ADGRL3: variants seen among roughly 807,000 people sequenced by gnomAD.
ADGRL3 encodes the protein calcium-independent alpha-latrotoxin receptor 3.
ADGRL3 carries 62 observed loss-of-function variants against 153.5 expected under a neutral mutation model. The observed-to-expected ratio is 0.40, with a 90% CI of 0.33 to 0.50. ADGRL3 has a LOEUF of 0.50. Among genes scored for constraint, ADGRL3 ranks in the 20% least tolerant of loss-of-function variants. The pLI is 0.47. For synonymous variants in ADGRL3, 710 were observed against 672.5 expected, an observed-to-expected ratio of 1.06 and a Z score of -0.86; for missense variants, 1,641 against 1,859.4, an observed-to-expected ratio of 0.88 and a Z score of 2.16.
intron 3 of ADGRL3, among the ~76,000 whole-genome samples, chr4:61,512,189 T>G (rs1434479363): frequency 6.6e-6 from 1 of 152,188 alleles, no homozygotes; most frequent in Non-Finnish European, 1.5e-5. Context: ...CATTTGCTAT[T>G]GTAACTTTTT....
At chr4:61,673,808 G>A (rs2095089038) in intron 5 of ADGRL3, among the ~76,000 whole-genome samples, 1 of 150,720 alleles carries the variant, frequency 6.6e-6, no homozygotes, top group African/African-American at 2.4e-5. Flanking sequence ...AATTTATAAT[G>A]AACTTTTGAT....
chr4:61,820,938 G>A (rs2097748231), intron 9 of ADGRL3, among the ~76,000 whole-genome samples: 1 of 152,134 alleles, frequency 6.6e-6, no homozygotes, highest in African/African-American at 2.4e-5. Context: ...CTCAATGAAG[G>A]TGGTTGGGTG....
intron 6 of ADGRL3, among the ~76,000 whole-genome samples, chr4:61,705,356 T>C (rs1422397977): frequency 6.6e-6 from 1 of 151,574 alleles, no homozygotes; most frequent in Non-Finnish European, 1.5e-5. Context: ...CTTCAATGAC[T>C]AGTGGGTGGA....
intron 9 of ADGRL3, among the ~76,000 whole-genome samples, chr4:61,819,083 A>T (rs2097721220): frequency 6.6e-6 from 1 of 152,224 alleles, no homozygotes; most frequent in East Asian, 1.9e-4. Context: ...TTAATTTATA[A>T]TTTAAAAATA....
At chr4:61,265,794 G>A (rs2092813295) in intron 1 of ADGRL3, among the ~76,000 whole-genome samples, 1 of 151,820 alleles carries the variant, frequency 6.6e-6, no homozygotes, top group Non-Finnish European at 1.5e-5. Flanking sequence ...AAGATAATGT[G>A]AAGAATTAGC....
chr4:61,228,493 C>G (rs142938414), intron 1 of ADGRL3, among the ~76,000 whole-genome samples: 2 of 151,966 alleles, frequency 1.3e-5, no homozygotes, highest in Admixed American at 6.6e-5. Context: ...TGTCATCAAT[C>G]GCAATAACCA....
intron 1 of ADGRL3, among the ~76,000 whole-genome samples, chr4:61,358,596 CAAAAAAAAAAAA>C (rs71211377): frequency 1.0e-5 from 1 of 96,862 alleles, no homozygotes; most frequent in East Asian, 3.4e-4. Flanking sequence ...GACTCCGTCT[CAAAAAAAAAAAA>C]AAAAAAAAAG....
rs1254039298 is a variant in ADGRL3 at position 62,070,553 on chromosome 4, A to G, written c.4277A>G (p.Gln1426Arg). 6.5e-7 allele frequency: 1 copy of G among 1,550,314 alleles called. No homozygotes were observed. The highest frequency in any genetic ancestry group is 1.4e-5 in the African/African-American group (1 of 72,490). ...CATTATACCAGAAGGCGGATCCCCC[A>G]AGACCACAGTGAGAGCTTTTTCCCT... Reference protein sequence around the residue: ...PHHYTRRRIPQDHSESFFPLL... With the variant: ...PHHYTRRRIPRDHSESFFPLL... Residue 1426 changes from glutamine to arginine, a missense_variant, in exon 27 of 27, where the codon CAA (glutamine) becomes CGA (arginine). By Grantham distance (43) the Gln-to-Arg change is conservative (BLOSUM62 1). Around this residue, in one of 5 missense-constraint regions of ADGRL3, gnomAD observed 517 missense variants for 555.0 expected, o/e 0.93. Transcript: ENST00000683033.
chr4:61,788,600 C>G (rs1053893318), intron 8 of ADGRL3, among the ~76,000 whole-genome samples: 1 of 152,246 alleles, frequency 6.6e-6, no homozygotes, highest in South Asian at 2.1e-4. Context: ...CCCAGAAAAA[C>G]AATTCTGGTA....
chr4:61,721,620 A>C (rs1432470453), intron 6 of ADGRL3, among the ~76,000 whole-genome samples: 1 of 152,210 alleles, frequency 6.6e-6, no homozygotes, highest in Non-Finnish European at 1.5e-5. Context: ...CCCAGGAACA[A>C]TACTGTATAT....
chr4:61,222,347 A>G (rs1392194433), intron 1 of ADGRL3, among the ~76,000 whole-genome samples: 1 of 152,024 alleles, frequency 6.6e-6, no homozygotes, highest in Non-Finnish European at 1.5e-5. Flanking sequence ...AGTACATAGC[A>G]CTCTGTTGAT....
chr4:61,246,540 A>T (rs1026114478), intron 1 of ADGRL3, among the ~76,000 whole-genome samples: 4 of 152,156 alleles, frequency 2.6e-5, no homozygotes, highest in African/African-American at 7.2e-5. Flanking sequence ...TGTGTTATTT[A>T]GGTTGAAACT....
intron 2 of ADGRL3, among the ~76,000 whole-genome samples, chr4:61,437,115 A>C (rs1243785730): frequency 6.6e-6 from 1 of 152,200 alleles, no homozygotes; most frequent in Non-Finnish European, 1.5e-5. Flanking sequence ...TTGTCAAAAT[A>C]TTGTTACATT....
intron 8 of ADGRL3, among the ~76,000 whole-genome samples, chr4:61,778,275 A>C (rs1260141136): frequency 6.6e-6 from 1 of 152,222 alleles, no homozygotes; most frequent in Non-Finnish European, 1.5e-5. Flanking sequence ...GAAAAATCTG[A>C]AATCCAAAAT....
chr4:61,874,716 C>A (rs1402663216), intron 9 of ADGRL3, among the ~76,000 whole-genome samples: 2 of 148,244 alleles, frequency 1.3e-5, no homozygotes, highest in Non-Finnish European at 3.0e-5. Flanking sequence ...GGGGAGACCA[C>A]AGAACCCCCT....
chr4:61,705,466 T>TTA (rs1472551673), intron 6 of ADGRL3, among the ~76,000 whole-genome samples: 2 of 148,480 alleles, frequency 1.3e-5, no homozygotes, highest in Non-Finnish European at 3.0e-5. Flanking sequence ...TATATATAAG[T>TTA]TATAGATTAC....
intron 6 of ADGRL3, among the ~76,000 whole-genome samples, chr4:61,720,858 A>C (rs755086772): frequency 7.2e-5 from 11 of 152,180 alleles, no homozygotes; most frequent in Non-Finnish European, 1.3e-4. Context: ...CTGTTTTCCC[A>C]GGGAGCATAG....
chr4:61,978,768 A>G (rs918897744), intron 17 of ADGRL3, among the ~76,000 whole-genome samples: 1 of 152,198 alleles, frequency 6.6e-6, no homozygotes, highest in African/African-American at 2.4e-5. Context: ...GTTTCAGTAC[A>G]GTTCGTGAAC....
At position 61,973,205 on chromosome 4, in the gene ADGRL3, TA is replaced by T. The variant is rs575584949; in HGVS notation, c.2806-6357del. 2.6e-5 allele frequency among the ~76,000 whole-genome samples: 4 copies of T among 152,146 alleles called. No homozygotes were observed. The East Asian group carries it at 7.7e-4, about 29-fold the overall frequency. ...GTCTTAGTGTACTTTATGTGATTAT[TA>T]TTTTTTTTAAATCATAAGGCAAAAG... On this transcript the variant is annotated intron_variant, in intron 17 of 26. Transcript: ENST00000683033.
Sources: allele counts gnomAD v4.1 joint callset (sites outside exome capture counted in the v4.1 genomes callset), GRCh38; gene constraint gnomAD v4.1.1; regional missense constraint gnomAD v4.1.1; transcripts MANE v1.5; gene names NCBI Gene and HGNC (gene_info 2026-07-23, HGNC 2026-07-21).